MTAP: variants seen among roughly 807,000 people sequenced by gnomAD.
The protein encoded by MTAP is S-methyl-5'-thioadenosine phosphorylase.
In MTAP, 33 loss-of-function variants were observed where a neutral mutation model predicts 33.6. That is an observed-to-expected ratio of 0.98 (90% CI 0.74 to 1.31). The LOEUF is 1.31. Among genes scored for constraint, MTAP ranks in the 40% most tolerant of loss-of-function variants. The pLI is 0.00. For synonymous variants in MTAP, 148 were observed against 125.7 expected (o/e 1.18, Z -1.19); for missense variants, 367 against 360.0 (o/e 1.02, Z -0.16).
At chr9:21,905,900 G>A (rs987184434) in intron 1 of MTAP, among the ~76,000 whole-genome samples, 3 of 152,168 alleles carry the variant, frequency 2.0e-5, no homozygotes, top group African/African-American at 7.2e-5. Flanking sequence ...TTACCATAGT[G>A]GCTTTGGGTG....
chr9:21,880,725 A>G (rs763140127), intron 1 of MTAP, among the ~76,000 whole-genome samples: 9 of 152,152 alleles, frequency 5.9e-5, no homozygotes, highest in Non-Finnish European at 8.8e-5. Flanking sequence ...CTGCTTGTCC[A>G]CTGCAAACTA....
At chr9:21,840,978 C>CA (rs1563842381) in intron 5 of MTAP, among the ~76,000 whole-genome samples, 2 of 152,140 alleles carry the variant, frequency 1.3e-5, no homozygotes, top group African/African-American at 4.8e-5. Flanking sequence ...GGCTCTCCCC[C>CA]ACTACCCTGG....
intron 1 of MTAP, among the ~76,000 whole-genome samples, chr9:21,811,442 A>G (rs7859886): frequency 0.25 from 37,469 of 152,048 alleles, 7,222 homozygotes; most frequent in African/African-American, 0.54. Flanking sequence ...TTGCTCTTGA[A>G]CAAAAAAATT....
At chr9:21,918,111 G>GT (rs1818721725) in intron 1 of MTAP, among the ~76,000 whole-genome samples, 1 of 148,464 alleles carries the variant, frequency 6.7e-6, no homozygotes, top group African/African-American at 2.6e-5. Context: ...AGCACTTTGG[G>GT]AGGCCGAGGC....
intron 1 of MTAP, chr9:21,892,687 A>G (rs1563861486): frequency 6.6e-6 from 1 of 152,248 alleles, no homozygotes; most frequent in African/African-American, 2.4e-5. Context: ...GGGACACTAA[A>G]ACACCCCACT....
chr9:21,859,365 G>T lies in MTAP; in HGVS notation c.753G>T (p.Leu251=), dbSNP rs1825706108. 1 of 1,613,616 alleles carries T rather than the reference G, an allele frequency of 6.2e-7. No individual in the cohort carries two copies. Among genetic ancestry groups the T allele is most frequent in the Non-Finnish European group, 8.5e-7 (1 of 1,179,758 alleles). Residue 251 remains leucine (L), a synonymous_variant, in exon 7 of 8, where the codon CTG becomes CTT. Coordinates refer to ENST00000644715, the MANE Select transcript of MTAP (RefSeq NM_002451.4). Reference sequence around the variant, plus strand: ...ACGCTAATAAAGCCAAAAGCTTACTGCTCACTACCATACCTCAGATAGGGT... The same window carrying T: ...ACGCTAATAAAGCCAAAAGCTTACTTCTCACTACCATACCTCAGATAGGGT... ...KENANKAKSL[L]LTTIPQIGST...
chr9:21,805,404 CTTTA>C (rs1238046021), intron 1 of MTAP, among the ~76,000 whole-genome samples: 1 of 152,078 alleles, frequency 6.6e-6, no homozygotes, highest in East Asian at 1.9e-4. Context: ...TAAGCGAGGC[CTTTA>C]TTTATTTTCT....
intron 1 of MTAP, among the ~76,000 whole-genome samples, chr9:21,804,364 A>G (rs929770009): frequency 1.3e-5 from 2 of 152,232 alleles, no homozygotes; most frequent in African/African-American, 4.8e-5. Context: ...TCTTACTTTA[A>G]TCTGGTTAGC....
intron 1 of MTAP, 113 bp from the exon 2 acceptor site, chr9:21,815,320 C>G: frequency 6.2e-6 from 4 of 643,082 alleles, no homozygotes. Flanking sequence ...AAAAAAATAA[C>G]TAGGGCTTGG....
At chr9:21,850,857 A>G (rs1424588759) in intron 5 of MTAP, among the ~76,000 whole-genome samples, 1 of 152,210 alleles carries the variant, frequency 6.6e-6, no homozygotes, top group Non-Finnish European at 1.5e-5. Context: ...ACTGGGCTCA[A>G]GCAGGTCCTG....
chr9:21,843,165 A>T (rs996017983), intron 5 of MTAP, among the ~76,000 whole-genome samples: 3 of 152,230 alleles, frequency 2.0e-5, no homozygotes, highest in African/African-American at 7.2e-5. Flanking sequence ...GTTAAAGCAA[A>T]GAGGGACATT....
downstream of MTAP, among the ~76,000 whole-genome samples, chr9:21,939,203 C>T (rs542033055): frequency 5.3e-5 from 8 of 152,300 alleles, no homozygotes; most frequent in South Asian, 1.7e-3. Context: ...TGAGGCCTCC[C>T]CAGCCACGTG....
rs755677524 is a variant in MTAP, at chr9:21,931,029, CTCAGTGAGGGATACCA to C, written c.172_187del (p.Ser58LeufsTer14). On this transcript the variant is annotated frameshift_variant, in exon 2 of 2. Coordinates refer to the MTAP transcript ENST00000577563. LOFTEE classifies it high-confidence loss of function. Reference sequence around the variant, plus strand: ...TTAGATGATCAAGTTCCAGATGATCCTCAGTGAGGGATACCATCCTTTCAATATTCAAGAGTCACCC... The same window carrying C: ...TTAGATGATCAAGTTCCAGATGATCCTCCTTTCAATATTCAAGAGTCACCC... 15 of 763,706 alleles carry C rather than the reference CTCAGTGAGGGATACCA, an allele frequency of 2.0e-5. No homozygotes were observed. Among genetic ancestry groups the C allele is most frequent in the Non-Finnish European group, 3.6e-5 (15 of 417,256 alleles). The allele number at this position is 763,706 out of a possible 1,614,324, so 47.3% of individuals were successfully genotyped here. A position where few individuals can be genotyped will look rare whatever the true frequency, so the allele number is the denominator to read the frequency against.
At chr9:21,890,259 G>A (rs1004734209) in intron 1 of MTAP, among the ~76,000 whole-genome samples, 5 of 152,090 alleles carry the variant, frequency 3.3e-5, no homozygotes, top group African/African-American at 1.2e-4. Context: ...CAGTTCCCAC[G>A]CAGCCAGCAA....
chr9:21,810,516 G>A (rs1824319679), intron 1 of MTAP, among the ~76,000 whole-genome samples: 1 of 152,142 alleles, frequency 6.6e-6, no homozygotes, highest in Non-Finnish European at 1.5e-5. Context: ...CCCTGGGACT[G>A]CATGAATCCC....
Position 21,816,703 on chromosome 9 carries a change from A to G in MTAP, c.121-11A>G, listed in dbSNP as rs752695031. 9 of 1,605,658 alleles carry G rather than the reference A, an allele frequency of 5.6e-6. No homozygotes were observed. In the East Asian group the frequency reaches 1.3e-4, roughly 24 times the overall value. The stretch of plus-strand genomic sequence containing the variant: ...TCACTGAGTTAAATGTCATTTTTTC[A>G]TTGCATGCAGCCATCTGATGCCTTA... On this transcript the variant is annotated splice_polypyrimidine_tract_variant and intron_variant, in intron 2 of 7. Transcript: ENST00000644715.
intron 1 of MTAP, among the ~76,000 whole-genome samples, chr9:21,895,013 C>G (rs1818265947): frequency 6.6e-6 from 1 of 151,976 alleles, no homozygotes. Context: ...AAACACTGCT[C>G]AAAGAAATAG....
chr9:21,923,257 A>C (rs1446927682), intron 1 of MTAP, among the ~76,000 whole-genome samples: 1 of 152,076 alleles, frequency 6.6e-6, no homozygotes, highest in South Asian at 2.1e-4. Flanking sequence ...CTTACCATAC[A>C]CTTTTCATCC....
At chr9:21,893,700 A>G (rs1013629086) in intron 1 of MTAP, 1 of 152,134 alleles carries the variant, frequency 6.6e-6, no homozygotes, top group Non-Finnish European at 1.5e-5. Flanking sequence ...TTAAACCTGG[A>G]AAAAATTGAA....
Sources: allele counts gnomAD v4.1 joint callset (sites outside exome capture counted in the v4.1 genomes callset), GRCh38; gene constraint gnomAD v4.1.1; transcripts MANE v1.5; gene names NCBI Gene and HGNC (gene_info 2026-07-23, HGNC 2026-07-21).